Variants in NANS observed in about 807,000 individuals in gnomAD.
The protein encoded by NANS is N-acetylneuraminate synthase.
In NANS, 29 loss-of-function variants were observed where a neutral mutation model predicts 33.3. The ratio of observed to expected loss-of-function variants is 0.87; its 90% CI spans 0.65 to 1.19. The LOEUF (loss-of-function observed/expected upper bound fraction) is 1.19, where lower values mean the gene tolerates loss of function less well. NANS is among the 50% of genes most tolerant of loss of function. NANS has a pLI of 0.00. For missense variants in NANS, 394 were observed against 461.1 expected, an observed-to-expected ratio of 0.85 and a Z score of 1.33; for synonymous variants, 163 against 177.2, an observed-to-expected ratio of 0.92 and a Z score of 0.64.
intron 2 of NANS, chr9:98,069,791 G>A (rs1829258028): frequency 6.6e-6 from 1 of 152,312 alleles, no homozygotes; most frequent in African/African-American, 2.4e-5. Flanking sequence ...AAAGATCCTT[G>A]TAGCAGTGGC....
rs60923228 is a variant in NANS at position 98,057,902 on chromosome 9, GTT to G, written c.132+976_132+977del. Among the ~76,000 whole-genome samples the G allele has an allele frequency of 3.2e-3, 295 of 93,254 alleles. 3 individuals carry two copies. Among genetic ancestry groups the G allele is most frequent in the African/African-American group, 9.1e-3 (218 of 23,866 alleles). 61.2% of individuals were successfully genotyped at this position (93,254 alleles called of 152,430 possible). A position where few individuals can be genotyped will look rare whatever the true frequency, so the allele number is the denominator to read the frequency against. On this transcript the variant is annotated intron_variant, in intron 1 of 5. Transcript: ENST00000210444. ...CCCAGGCTGGAGGTTTTCTCTTACTGTTTTTTTTTTTTTTTCCTGGTTTTTTT... is the reference window on the plus strand; with the variant it reads ...CCCAGGCTGGAGGTTTTCTCTTACTGTTTTTTTTTTTTTCCTGGTTTTTTT...
intron 3 of NANS, 136 bp from the exon 4 acceptor site, chr9:98,078,057 C>T: frequency 7.5e-7 from 1 of 1,326,684 alleles, no homozygotes; most frequent in South Asian, 1.5e-5. Flanking sequence ...TCTGTTCCCC[C>T]ACAGGGGCTG....
At position 98,077,017 on chromosome 9, in the gene NANS, GGTAA is replaced by G. The variant is rs1829623117; in HGVS notation, c.448+3_448+6del. 1 of 1,600,790 alleles carries G rather than the reference GGTAA, an allele frequency of 6.2e-7. No homozygotes were observed. The highest frequency in any genetic ancestry group is 8.5e-7 in the Non-Finnish European group (1 of 1,172,420). ...TTATCTGGAAAAGACAGCCAAAAAA[GGTAA>G]GTGTCTAATTTTTGACTTAAAATCG... On this transcript the variant is annotated splice_donor_variant and splice_donor_region_variant and intron_variant, in intron 3 of 5. Transcript: ENST00000210444. LOFTEE classifies it high-confidence loss of function.
chr9:98,076,973 G>A lies in NANS; in HGVS notation c.404G>A (p.Gly135Glu). 6.2e-7 allele frequency: 1 copy of A among 1,611,476 alleles called. No individual in the cohort carries two copies. The highest frequency in any genetic ancestry group is 8.5e-7 in the Non-Finnish European group (1 of 1,179,292). ...LNVPFFKVGS[G>E]DTNNFPYLEK... ...GTTCCATTTTTCAAAGTTGGATCTG[G>A]AGACACTAATAATTTTCCTTATCTG... Residue 135 changes from glycine to glutamate, a missense_variant, in exon 3 of 6, where the codon GGA becomes GAA. Physicochemically the swap from Gly to Glu is moderately conservative, Grantham distance 98. Coordinates refer to ENST00000210444, the MANE Select transcript of NANS (RefSeq NM_018946.4).
In NANS at chr9:98,078,336, C is replaced by T. The variant is rs749291995; in HGVS notation, c.592C>T (p.Arg198Trp). 1.4e-5 allele frequency: 22 copies of T among 1,613,760 alleles called. No homozygotes were observed. The highest frequency in any genetic ancestry group is 1.2e-4 in the South Asian group (11 of 91,056). The change falls in exon 4 of 6, where the codon CGG (arginine) becomes TGG (tryptophan). Residue 198 changes from arginine to tryptophan, a missense_variant. Arg to Trp is a moderately radical substitution (Grantham distance 101, BLOSUM62 -3). Transcript: ENST00000210444. ...GCTCCAGCCTGAGGACGTCAACCTG[C>T]GGGTCATCTCGGTGAGCAGGAGGGA... ...YPLQPEDVNL[R>W]VISEYQKLFP...
Position 98,080,905 on chromosome 9 carries a change from G to T in NANS, c.693G>T (p.Gly231=). The T allele has an allele frequency of 6.2e-7, 1 of 1,614,202 alleles. No individual in the cohort carries two copies. The highest frequency in any genetic ancestry group is 8.5e-7 in the Non-Finnish European group (1 of 1,180,030). Residue 231 remains glycine, a synonymous_variant, in exon 5 of 6, where the codon GGG becomes GGT. Transcript: ENST00000210444. ...TATCTGTGGCCGCAGTGGCTCTGGG[G>T]GCCAAGGTGTTGGAACGTCACATAA... ...IAISVAAVAL[G]AKVLERHITL... is the part of the protein sequence containing the mutation.
Position 98,056,944 on chromosome 9 carries a change from A to T in NANS, c.132+4A>T. The T allele has an allele frequency of 6.3e-7, 1 of 1,580,300 alleles. No homozygotes were observed. The highest frequency in any genetic ancestry group is 8.6e-7 in the Non-Finnish European group (1 of 1,163,068). ...GCGCATGATCCGCATGGCCAAGGTG[A>T]GGCGGCAGCTCCCGGGACCCGGGAT... On this transcript the variant is annotated splice_donor_region_variant and intron_variant, in intron 1 of 5. Coordinates refer to ENST00000210444, the MANE Select transcript of NANS (RefSeq NM_018946.4).
At chr9:98,067,093 C>G (rs891798794) in intron 2 of NANS, among the ~76,000 whole-genome samples, 3 of 152,134 alleles carry the variant, frequency 2.0e-5, no homozygotes, top group African/African-American at 7.2e-5. Flanking sequence ...TACTTCATTT[C>G]TTTTTTTGAC....
At chr9:98,078,836 GAAAAA>G (rs11424970) in intron 4 of NANS, among the ~76,000 whole-genome samples, 1 of 123,026 alleles carries the variant, frequency 8.1e-6, no homozygotes, top group African/African-American at 3.1e-5. Context: ...CTCTCAGGGG[GAAAAA>G]AAAAAAAAAA....
intron 4 of NANS, among the ~76,000 whole-genome samples, chr9:98,078,836 G>GAAAA (rs11424970): frequency 8.1e-6 from 1 of 123,024 alleles, no homozygotes; most frequent in Non-Finnish European, 1.6e-5. Flanking sequence ...CTCTCAGGGG[G>GAAAA]AAAAAAAAAA....
In NANS at chr9:98,078,266, C is replaced by T. The variant is rs757264557; in HGVS notation, c.522C>T (p.Pro174=). The T allele has an allele frequency of 2.5e-6, 4 of 1,614,046 alleles. No individual in the cohort carries two copies. In the Admixed American group the frequency reaches 5.0e-5, roughly 20 times the overall value. The change falls in exon 4 of 6, where the codon CCC becomes CCT. Residue 174 remains proline (P), a synonymous_variant. Coordinates refer to ENST00000210444, the MANE Select transcript of NANS (RefSeq NM_018946.4). ...TMKQVYQIVK[P]LNPNFCFLQC... Reference sequence around the variant, plus strand: ...AGCAAGTTTATCAGATCGTGAAGCCCCTCAACCCCAACTTCTGCTTCTTGC... The same window carrying T: ...AGCAAGTTTATCAGATCGTGAAGCCTCTCAACCCCAACTTCTGCTTCTTGC...
chr9:98,071,524 A>G (rs1829337478), intron 2 of NANS, among the ~76,000 whole-genome samples: 1 of 152,252 alleles, frequency 6.6e-6, no homozygotes, highest in African/African-American at 2.4e-5. Context: ...AATATAAAGC[A>G]TAGTACACAA....
chr9:98,082,968 G>A lies in NANS; in HGVS notation c.993G>A (p.Val331=). 1 of 1,614,154 alleles carries A rather than the reference G, an allele frequency of 6.2e-7. No individual in the cohort carries two copies. Among genetic ancestry groups the A allele is most frequent in the Non-Finnish European group, 8.5e-7 (1 of 1,180,032 alleles). ...CTCCTGAAGACATCTTTAATCTAGT[G>A]GGCAAGAAGGTCCTGGTCACTGTTG... ...GYPPEDIFNL[V]GKKVLVTVEE... The change falls in exon 6 of 6, where the codon GTG becomes GTA. Residue 331 remains valine, a synonymous_variant. Coordinates refer to ENST00000210444, the MANE Select transcript of NANS (RefSeq NM_018946.4).
In NANS at chr9:98,056,947, C is replaced by T. The variant is rs1282194917; in HGVS notation, c.132+7C>T. 1.3e-6 allele frequency: 2 copies of T among 1,572,408 alleles called. No individual in the cohort carries two copies. The highest frequency in any genetic ancestry group is 1.4e-5 in the African/African-American group (1 of 71,368). On this transcript the variant is annotated splice_region_variant and intron_variant, in intron 1 of 5. Coordinates refer to ENST00000210444, the MANE Select transcript of NANS (RefSeq NM_018946.4). ...CATGATCCGCATGGCCAAGGTGAGG[C>T]GGCAGCTCCCGGGACCCGGGATTCG...
At chr9:98,067,423 A>G (rs1829180733) in intron 2 of NANS, among the ~76,000 whole-genome samples, 1 of 152,034 alleles carries the variant, frequency 6.6e-6, no homozygotes, top group Admixed American at 6.6e-5. Flanking sequence ...TTACCTCCTG[A>G]TTCTAGCCAT....
At chr9:98,057,061 G>A (rs1000982954) in intron 1 of NANS, 121 bp downstream of exon 1, 65 of 1,315,252 alleles carry the variant, frequency 4.9e-5, no homozygotes, top group Middle Eastern at 2.8e-4. Flanking sequence ...CTTCCCGCCC[G>A]CCAGTTCCGT....
chr9:98,071,138 G>A (rs1829322945), intron 2 of NANS, among the ~76,000 whole-genome samples: 1 of 152,208 alleles, frequency 6.6e-6, no homozygotes, highest in Non-Finnish European at 1.5e-5. Flanking sequence ...AGAATTTGAA[G>A]ATGAAAACAT....
In NANS at chr9:98,056,766, G is replaced by A. The variant is rs774127195; in HGVS notation, c.-43G>A. 1.9e-6 allele frequency: 3 copies of A among 1,598,444 alleles called. No individual in the cohort carries two copies. The highest frequency in any genetic ancestry group is 2.6e-6 in the Non-Finnish European group (3 of 1,175,532). ...AGTAGAGGCGGCGGCGGCGGCGGCC[G>A]GACCCAGACTGGTAGTGAGGCTTTG... On this transcript the variant is annotated 5_prime_UTR_variant, in exon 1 of 6. Transcript: ENST00000210444.
At chr9:98,075,295 A>C (rs1829531538) in intron 2 of NANS, 1 of 150,858 alleles carries the variant, frequency 6.6e-6, no homozygotes, top group African/African-American at 2.5e-5. Flanking sequence ...ACCACAAAAG[A>C]AAAGAAAAAG....
Sources: allele counts gnomAD v4.1 joint callset (sites outside exome capture counted in the v4.1 genomes callset), GRCh38; gene constraint gnomAD v4.1.1; transcripts MANE v1.5; gene names NCBI Gene and HGNC (gene_info 2026-07-23, HGNC 2026-07-21).